Variants in P4HTM observed in about 807,000 individuals in gnomAD.
The protein encoded by P4HTM is transmembrane prolyl 4-hydroxylase.
Under a neutral mutation model 55.3 loss-of-function variants are expected in P4HTM, and 33 were observed. That is an observed-to-expected ratio of 0.60 (90% CI 0.45 to 0.80). The LOEUF is 0.80. Ranked by LOEUF, P4HTM falls within the 30% of genes least tolerant of loss-of-function variation. P4HTM has a pLI of 0.00. For synonymous variants in P4HTM, 272 were observed against 286.4 expected (o/e 0.95, Z 0.51); for missense variants, 542 against 696.5 (o/e 0.78, Z 2.50).
chr3:49,003,855 T>C (rs1559891463), intron 4 of P4HTM: 1 of 473,924 alleles, frequency 2.1e-6, no homozygotes, highest in Non-Finnish European at 3.7e-6. Context: ...CTCTTTCTTC[T>C]TAGGGCCAAA....
rs1424858862 is a variant in P4HTM at position 49,006,183 on chromosome 3, G to A, written c.1284G>A (p.Gly428=). ...AVFWYNYLPD[G]QGWVGDVDDY... ...TCTGGTACAACTACCTGCCTGATGG[G>A]CAAGGTGAGGGCCTATGGCCAGGCC... The change falls in exon 8 of 9, where the codon GGG becomes GGA. Residue 428 remains glycine, a synonymous_variant. Coordinates refer to ENST00000383729, the MANE Select transcript of P4HTM (RefSeq NM_177939.3). The A allele has an allele frequency of 6.2e-7, 1 of 1,612,054 alleles. No individual in the cohort carries two copies. The highest frequency in any genetic ancestry group is 8.5e-7 in the Non-Finnish European group (1 of 1,179,474).
rs368504809 is a variant in P4HTM, at chr3:49,001,445, C to T, written c.444C>T (p.Pro148=). 5.6e-6 allele frequency: 9 copies of T among 1,613,682 alleles called. No homozygotes were observed. Among genetic ancestry groups the T allele is most frequent in the African/African-American group, 5.3e-5 (4 of 74,930 alleles). The change falls in exon 3 of 9, where the codon CCC becomes CCT. Residue 148 remains proline (P), a synonymous_variant. Transcript: ENST00000383729. ...LSLKPLLFEI[P]GFLTDEECRL... ...CACCTCCTCTTCTGGCAGAAATCCC[C>T]GGCTTCCTGACTGATGAAGAGTGTC... is the stretch of plus-strand genomic sequence containing the variant.
chr3:49,006,025 G>C lies in P4HTM; in HGVS notation c.1165-39G>C, dbSNP rs566437375. The C allele has an allele frequency of 6.9e-6, 11 of 1,593,756 alleles. No homozygotes were observed. In the Admixed American group the frequency reaches 1.7e-4, roughly 24 times the overall value. On this transcript the variant is annotated intron_variant, in intron 7 of 8. Transcript: ENST00000383729. Reference sequence around the variant, plus strand: ...CCCTTGGCTGGCCTGGCCATAGAGTGGGGACAGGTTGAACACCCCACCACC... The same window carrying C: ...CCCTTGGCTGGCCTGGCCATAGAGTCGGGACAGGTTGAACACCCCACCACC...
At position 48,999,966 on chromosome 3, in the gene P4HTM, G is replaced by C. The variant is rs1457259411; in HGVS notation, c.437-1472G>C. Among the ~76,000 whole-genome samples the C allele has an allele frequency of 2.0e-5, 3 of 152,352 alleles. No homozygotes were observed. Among genetic ancestry groups the C allele is most frequent in the East Asian group, 3.9e-4 (2 of 5,188 alleles). On this transcript the variant is annotated intron_variant, in intron 2 of 8. Transcript: ENST00000383729. This position sits in a 1 kb window ranked among gnomAD's most constrained non-coding sequence, Gnocchi z 4.8. ...GGGGTCACGGGATCATGCAGGCCAA[G>C]AGTGGGGGCCTTTGTCCTATCCTCA...
chr3:48,994,843 C>T (rs900633192), intron 2 of P4HTM, among the ~76,000 whole-genome samples: 3 of 151,846 alleles, frequency 2.0e-5, no homozygotes, highest in Non-Finnish European at 2.9e-5. Context: ...TTTGTTGCCC[C>T]GGCTGGAGTG....
chr3:49,005,759 GC>G lies in P4HTM; in HGVS notation c.1074-11del, dbSNP rs760453324. On this transcript the variant is annotated splice_polypyrimidine_tract_variant and intron_variant, in intron 6 of 8. Transcript: ENST00000383729. ...ATCCACAACTGGGGACCTGCTCAGT[GC>G]CCCCCCTGCCTTACAGCTACATGAC... The G allele has an allele frequency of 2.2e-5, 35 of 1,590,798 alleles. No individual in the cohort carries two copies. Among genetic ancestry groups the G allele is most frequent in the Middle Eastern group, 3.4e-4 (2 of 5,840 alleles).
In P4HTM at chr3:49,002,287, T is replaced by C. The variant is rs1384529172; in HGVS notation, c.628-213T>C. On this transcript the variant is annotated intron_variant, in intron 3 of 8. Transcript: ENST00000383729. This position sits in a 1 kb window ranked among gnomAD's most constrained non-coding sequence, Gnocchi z 4.4. ...CGGGGCCTTAGTCCGGGAATGCAAATGGCCTACGCCTCTTGACCCCCAGCC... is the reference window on the plus strand; with the variant it reads ...CGGGGCCTTAGTCCGGGAATGCAAACGGCCTACGCCTCTTGACCCCCAGCC... Among the ~76,000 whole-genome samples, 1 of 152,240 alleles carries C rather than the reference T, an allele frequency of 6.6e-6. No homozygotes were observed. The highest frequency in any genetic ancestry group is 1.5e-5 in the Non-Finnish European group (1 of 68,042).
At chr3:48,991,901 T>A (rs1182992088) in intron 2 of P4HTM, 2 of 152,196 alleles carry the variant, frequency 1.3e-5, no homozygotes, top group African/African-American at 2.4e-5. Flanking sequence ...GGTTAGGAGC[T>A]GGGGCCAAAG....
intron 2 of P4HTM, among the ~76,000 whole-genome samples, chr3:48,995,863 G>A (rs1427569322): frequency 6.6e-6 from 1 of 152,204 alleles, no homozygotes; most frequent in Non-Finnish European, 1.5e-5. Context: ...TGGGATTACA[G>A]GCATAAGCCT....
chr3:48,994,008 CA>C (rs2092938458), intron 2 of P4HTM, among the ~76,000 whole-genome samples: 1 of 152,104 alleles, frequency 6.6e-6, no homozygotes, highest in African/African-American at 2.4e-5. Flanking sequence ...AGATGAACTT[CA>C]AAAGGCATAA....
At chr3:48,997,209 G>T (rs1290458560) in intron 2 of P4HTM, 2 of 152,240 alleles carry the variant, frequency 1.3e-5, no homozygotes, top group Admixed American at 6.5e-5. Context: ...TCCCTGGCGG[G>T]GTTAGCCCCT....
chr3:48,994,447 C>T (rs1015894590), intron 2 of P4HTM, among the ~76,000 whole-genome samples: 8 of 152,196 alleles, frequency 5.3e-5, no homozygotes, highest in African/African-American at 1.9e-4. Context: ...CCCGTGCAGC[C>T]CCCAGTCTCT....
chr3:48,993,032 G>A lies in P4HTM; in HGVS notation c.436+2118G>A, dbSNP rs183474692. Among the ~76,000 whole-genome samples the A allele has an allele frequency of 1.2e-4, 18 of 152,158 alleles. No homozygotes were observed. In the South Asian group the frequency reaches 2.9e-3, roughly 24 times the overall value. The stretch of plus-strand genomic sequence containing the variant: ...AAAATATTTGAGCAAGGCTGGGCGC[G>A]GTGGCTCACGCCTGTAATCCCAGAA... On this transcript the variant is annotated intron_variant, in intron 2 of 8. Transcript: ENST00000383729.
At chr3:48,996,166 A>G (rs1160801442) in intron 2 of P4HTM, 1 of 152,268 alleles carries the variant, frequency 6.6e-6, no homozygotes, top group Non-Finnish European at 1.5e-5. Flanking sequence ...AGCTTAAGAA[A>G]ACAATTAGGC....
In P4HTM at chr3:49,007,119, G is replaced by C. The variant is rs1250609506; in HGVS notation, c.*212G>C. On this transcript the variant is annotated 3_prime_UTR_variant, in exon 9 of 9. Transcript: ENST00000383729. This position sits in a 1 kb window ranked among gnomAD's most constrained non-coding sequence, Gnocchi z 5.1. The stretch of plus-strand genomic sequence containing the variant: ...AATAAAAAACCACAAGGTTCGAGCC[G>C]CCGGGCCCGACAAACTCCGGGTCGG... The C allele has an allele frequency of 1.4e-6, 1 of 690,774 alleles. No homozygotes were observed. Among genetic ancestry groups the C allele is most frequent in the African/African-American group, 1.8e-5 (1 of 55,518 alleles). The allele number at this position is 690,774 out of a possible 1,614,324, so 42.8% of individuals were successfully genotyped here.
intron 8 of P4HTM, 65 bp downstream of exon 8, chr3:49,006,252 G>T: frequency 6.5e-7 from 1 of 1,545,844 alleles, no homozygotes; most frequent in East Asian, 2.3e-5. Flanking sequence ...CCCAGCCCCC[G>T]TCTGCCACAA....
In P4HTM at chr3:49,007,005, CA is replaced by C. The variant is rs2092985891; in HGVS notation, c.*100del. The C allele has an allele frequency of 9.9e-7, 1 of 1,014,634 alleles. No homozygotes were observed. Among genetic ancestry groups the C allele is most frequent in the African/African-American group, 1.6e-5 (1 of 63,190 alleles). The allele number at this position is 1,014,634 out of a possible 1,614,324, so 62.9% of individuals were successfully genotyped here. ...TCCTGCTGCAGACTAAAGGTCTGGC[CA>C]ATGTCTTGCCCCACCCCGCCAGCCG... On this transcript the variant is annotated 3_prime_UTR_variant, in exon 9 of 9. Coordinates refer to ENST00000383729, the MANE Select transcript of P4HTM (RefSeq NM_177939.3). This position sits in a 1 kb window ranked among gnomAD's most constrained non-coding sequence, Gnocchi z 5.1.
intron 2 of P4HTM, chr3:48,991,285 C>T (rs1003738252): frequency 4.9e-6 from 1 of 203,048 alleles, no homozygotes; most frequent in Non-Finnish European, 1.0e-5. Context: ...ATCCCACTGC[C>T]GAAGTGGGCC....
chr3:49,007,014 GC>G lies in P4HTM; in HGVS notation c.*111del. 1 of 897,758 alleles carries G rather than the reference GC, an allele frequency of 1.1e-6. No homozygotes were observed. Among genetic ancestry groups the G allele is most frequent in the Non-Finnish European group, 1.7e-6 (1 of 588,098 alleles). The allele number at this position is 897,758 out of a possible 1,614,324, so 55.6% of individuals were successfully genotyped here. Reference sequence around the variant, plus strand: ...AGACTAAAGGTCTGGCCAATGTCTTGCCCCACCCCGCCAGCCGCGATACGGC... The same window carrying G: ...AGACTAAAGGTCTGGCCAATGTCTTGCCCACCCCGCCAGCCGCGATACGGC... On this transcript the variant is annotated 3_prime_UTR_variant, in exon 9 of 9. Transcript: ENST00000383729. This position sits in a 1 kb window ranked among gnomAD's most constrained non-coding sequence, Gnocchi z 5.1.
Sources: gnomAD v4.1 joint callset for allele counts (sites outside exome capture counted in the v4.1 genomes callset) on GRCh38, gnomAD v4.1.1 for gene constraint, Gnocchi (gnomAD v3.1) non-coding constraint, MANE v1.5 for transcripts, NCBI Gene and HGNC (gene_info 2026-07-23, HGNC 2026-07-21) for gene names.